POMT2: variants seen among roughly 807,000 people sequenced by gnomAD.
The protein encoded by POMT2 is protein O-mannosyl-transferase 2.
In POMT2, 75 loss-of-function variants were observed where a neutral mutation model predicts 100.0. The ratio of observed to expected loss-of-function variants is 0.75; its 90% confidence interval spans 0.62 to 0.91. The LOEUF (loss-of-function observed/expected upper bound fraction) is 0.91, where lower values mean the gene tolerates loss of function less well. Ranked by LOEUF, POMT2 falls within the 40% of genes least tolerant of loss-of-function variation. The pLI is 0.00. For synonymous variants in POMT2, 378 were observed against 374.1 expected (o/e 1.01, Z -0.12); for missense variants, 940 against 955.1 (o/e 0.98, Z 0.21).
intron 1 of POMT2, among the ~76,000 whole-genome samples, chr14:77,317,559 A>T (rs117068304): frequency 6.6e-6 from 1 of 152,198 alleles, no homozygotes; most frequent in Non-Finnish European, 1.5e-5. Flanking sequence ...TCCCTCAAAG[A>T]TCAACTCAAA....
intron 1 of POMT2, among the ~76,000 whole-genome samples, chr14:77,315,523 T>C (rs1283228820): frequency 2.0e-5 from 3 of 152,208 alleles, no homozygotes; most frequent in African/African-American, 4.8e-5. Context: ...GCAGAGCTCT[T>C]TGGGCCTCTT....
chr14:77,295,791 T>C (rs1890807703), intron 9 of POMT2, among the ~76,000 whole-genome samples: 1 of 152,008 alleles, frequency 6.6e-6, no homozygotes, highest in Non-Finnish European at 1.5e-5. Flanking sequence ...ACCCATCCCA[T>C]AGCAGGCACC....
chr14:77,300,987 C>T, intron 6 of POMT2, 103 bp downstream of exon 6: 3 of 1,608,000 alleles, frequency 1.9e-6, no homozygotes, highest in Non-Finnish European at 2.5e-6. Context: ...ACCCAGAACA[C>T]AGCCACTCTG....
At chr14:77,309,669 A>G (rs116143243) in intron 2 of POMT2, among the ~76,000 whole-genome samples, 1 of 151,924 alleles carries the variant, frequency 6.6e-6, no homozygotes, top group South Asian at 2.1e-4. Flanking sequence ...CTTTGATATA[A>G]TATTATTATA....
chr14:77,316,428 G>A (rs894907046), intron 1 of POMT2, among the ~76,000 whole-genome samples: 1 of 151,906 alleles, frequency 6.6e-6, no homozygotes, highest in Admixed American at 6.6e-5. Flanking sequence ...GTTTTAATTA[G>A]CTGGACATGG....
intron 15 of POMT2, among the ~76,000 whole-genome samples, chr14:77,280,839 C>A (rs954711536): frequency 2.6e-5 from 4 of 152,184 alleles, no homozygotes; most frequent in African/African-American, 9.7e-5. Flanking sequence ...TGCCTGTAAC[C>A]CCAGCACTTT....
intron 20 of POMT2, among the ~76,000 whole-genome samples, chr14:77,277,805 A>C (rs1890026938): frequency 6.6e-6 from 1 of 152,208 alleles, no homozygotes; most frequent in African/African-American, 2.4e-5. Context: ...ATGTGCTCAC[A>C]GGCCACAGGC....
At position 77,278,859 on chromosome 14, in the gene POMT2, C is replaced by T. The variant is rs1594883867; in HGVS notation, c.1902G>A (p.Gln634=). 1.9e-6 allele frequency: 3 copies of T among 1,613,246 alleles called. No homozygotes were observed. Among genetic ancestry groups the T allele is most frequent in the Non-Finnish European group, 2.5e-6 (3 of 1,179,790 alleles). The change falls in exon 19 of 21, where the codon CAG becomes CAA. Residue 634 remains glutamine (Q), a synonymous_variant. Transcript: ENST00000261534. Reference sequence around the variant, plus strand: ...CCTGGCCGCCTCCTCGAAGCAGGACCTGGGACAACCCTGGGCCCAAGCAGC... The same window carrying T: ...CCTGGCCGCCTCCTCGAAGCAGGACTTGGGACAACCCTGGGCCCAAGCAGC... The part of the protein sequence containing the change: ...RLPAEVAGLS[Q]VLLRGGGQVL...
intron 15 of POMT2, among the ~76,000 whole-genome samples, chr14:77,282,906 T>G (rs1431446146): frequency 6.6e-6 from 1 of 152,218 alleles, no homozygotes; most frequent in African/African-American, 2.4e-5. Flanking sequence ...TGGCTTGAGA[T>G]AGTGATTCTT....
Position 77,320,640 on chromosome 14 carries a change from C to T in POMT2, c.42G>A (p.Leu14=), listed in dbSNP as rs771823211. Residue 14 remains leucine, a synonymous_variant, in exon 1 of 21, where the codon CTG becomes CTA. Transcript: ENST00000261534. ...ATGGGLAESE[L]RPRRGRCGPQ... is the part of the protein sequence containing the mutation. Reference sequence around the variant, plus strand: ...GGCCACAGCGGCCCCTCCGGGGACGCAGCTCGGACTCTGCCAGGCCTCCGC... The same window carrying T: ...GGCCACAGCGGCCCCTCCGGGGACGTAGCTCGGACTCTGCCAGGCCTCCGC... The T allele has an allele frequency of 1.3e-6, 2 of 1,593,410 alleles. No individual in the cohort carries two copies. The highest frequency in any genetic ancestry group is 2.2e-5 in the South Asian group (2 of 90,668).
chr14:77,306,848 C>T (rs1007039823), intron 2 of POMT2: 1 of 251,122 alleles, frequency 4.0e-6, no homozygotes, highest in Non-Finnish European at 7.8e-6. Context: ...AAGTGAGATT[C>T]CAAGTCACAG....
intron 11 of POMT2, chr14:77,287,542 C>CTATA (rs1413312171): frequency 2.6e-5 from 2 of 76,414 alleles, no homozygotes; most frequent in African/African-American, 4.8e-5. Flanking sequence ...CTCTCTCTCT[C>CTATA]TCTATATATA....
rs1279458453 is a variant in POMT2 at position 77,285,547 on chromosome 14, C to A, written c.1418G>T (p.Arg473Leu). ...FGNRIKVLRS[R>L]IRFIHLVTGC... ...TGTGACCAAATGGATGAAGCGAATT[C>A]GACTTCTCAGCACTTTGATCCGGTT... The change falls in exon 13 of 21, where the codon CGA (arginine) becomes CTA (leucine). Residue 473 changes from arginine to leucine, a missense_variant. Transcript: ENST00000261534. 5.0e-6 allele frequency: 8 copies of A among 1,614,126 alleles called. No homozygotes were observed. Among genetic ancestry groups the A allele is most frequent in the Non-Finnish European group, 6.8e-6 (8 of 1,180,018 alleles).
At chr14:77,304,930 T>G in intron 3 of POMT2, 130 bp from the exon 4 acceptor site, 3 of 1,441,370 alleles carry the variant, frequency 2.1e-6, no homozygotes, top group Non-Finnish European at 2.8e-6. Flanking sequence ...TAAAGTCACC[T>G]AGGATATCTA....
At chr14:77,300,782 T>G (rs1891003542) in intron 6 of POMT2, 2 of 339,858 alleles carry the variant, frequency 5.9e-6, no homozygotes, top group South Asian at 4.8e-5. Flanking sequence ...ATCGGCCCAC[T>G]GCACTCCAGC....
rs1889899160 is a variant in POMT2, at chr14:77,275,363, G to A, written c.*2013C>T. On this transcript the variant is annotated 3_prime_UTR_variant, in exon 21 of 21. Coordinates refer to ENST00000261534, the MANE Select transcript of POMT2 (RefSeq NM_013382.7). ...GCAGCCTAATTGGGAGGGAGGGATG[G>A]GTAGAGGCTGGCTGGGCTTCTCCTT... 6.6e-6 allele frequency: 1 copy of A among 152,276 alleles called. No individual in the cohort carries two copies. Among genetic ancestry groups the A allele is most frequent in the African/African-American group, 2.4e-5 (1 of 41,466 alleles). The allele number at this position is 152,276 out of a possible 1,614,324, so 9.4% of individuals were successfully genotyped here.
chr14:77,288,095 G>A (rs1412055514), intron 11 of POMT2, among the ~76,000 whole-genome samples: 1 of 152,208 alleles, frequency 6.6e-6, no homozygotes, highest in Non-Finnish European at 1.5e-5. Context: ...GCCTAGGTTT[G>A]ACTTTAAAAC....
intron 1 of POMT2, chr14:77,312,631 G>A (rs1290789414): frequency 6.7e-6 from 1 of 149,692 alleles, no homozygotes; most frequent in Non-Finnish European, 1.5e-5. Flanking sequence ...CAGCCTAGGC[G>A]ACAGAGTGAG....
intron 1 of POMT2, chr14:77,312,692 T>C (rs1395328003): frequency 1.3e-5 from 2 of 152,168 alleles, no homozygotes; most frequent in Non-Finnish European, 2.9e-5. Flanking sequence ...AAGTAGCTAG[T>C]GTAAACAAAA....
Sources: allele counts gnomAD v4.1 joint callset (sites outside exome capture counted in the v4.1 genomes callset), GRCh38; gene constraint gnomAD v4.1.1; transcripts MANE v1.5; gene names NCBI Gene and HGNC (gene_info 2026-07-23, HGNC 2026-07-21).